The following HDAC4 variants were observed in gnomAD, a reference collection of about 807,000 sequenced individuals.
The protein encoded by HDAC4 is histone deacetylase A.
HDAC4 carries 16 observed loss-of-function variants against 135.1 expected under a neutral mutation model. That is an observed-to-expected ratio of 0.12 (90% CI 0.08 to 0.18). The LOEUF is 0.18. Among genes scored for constraint, HDAC4 ranks in the 10% least tolerant of loss-of-function variants. The pLI is 1.00. For missense variants in HDAC4, 1,143 were observed against 1,511.8 expected (o/e 0.76, Z 4.05); for synonymous variants, 685 against 653.4 (o/e 1.05, Z -0.74).
intron 3 of HDAC4, among the ~76,000 whole-genome samples, chr2:239,196,831 G>A (rs1466303720): frequency 1.3e-5 from 2 of 152,230 alleles, no homozygotes; most frequent in Non-Finnish European, 2.9e-5. Context: ...AAGAGAGAGT[G>A]GGGCCATGTG....
chr2:239,251,095 CAT>C (rs1270509584), intron 2 of HDAC4, among the ~76,000 whole-genome samples: 1 of 152,256 alleles, frequency 6.6e-6, no homozygotes, highest in Non-Finnish European at 1.5e-5. Context: ...GGCCTTTCCA[CAT>C]GAGTGGTTTC....
At chr2:239,199,980 C>T (rs528341999) in intron 3 of HDAC4, among the ~76,000 whole-genome samples, 4 of 152,278 alleles carry the variant, frequency 2.6e-5, no homozygotes, top group African/African-American at 9.6e-5. Context: ...CCTCATGATC[C>T]ATCTGCCTCG....
intron 3 of HDAC4, among the ~76,000 whole-genome samples, chr2:239,224,191 T>C (rs1013843915): frequency 5.3e-5 from 8 of 152,244 alleles, no homozygotes; most frequent in African/African-American, 1.9e-4. Flanking sequence ...ACAGCCCATC[T>C]GCAGGCTAAG....
intron 1 of HDAC4, among the ~76,000 whole-genome samples, chr2:239,392,344 C>A (rs1213556680): frequency 6.6e-6 from 1 of 152,250 alleles, no homozygotes; most frequent in Admixed American, 6.5e-5. Context: ...CGGATTCCAA[C>A]ACAGAGCCCT....
chr2:239,244,987 A>G (rs545907940), intron 2 of HDAC4, among the ~76,000 whole-genome samples: 1 of 152,326 alleles, frequency 6.6e-6, no homozygotes, highest in East Asian at 1.9e-4. Flanking sequence ...AAAATTACCA[A>G]AGTTCCATAA....
rs1283294023 is a variant in HDAC4, at chr2:239,274,463, A to G, written c.23-37799T>C. ...TGTATGGGCCCCCGCAAGAGATGGG[A>G]ATGAGCCAGGGCGCCGCTGGTCTCT... On this transcript the variant is annotated intron_variant, in intron 2 of 26. Coordinates refer to ENST00000543185, the MANE Select transcript of HDAC4 (RefSeq NM_001378414.1). Among the ~76,000 whole-genome samples, 3 of 152,204 alleles carry G rather than the reference A, an allele frequency of 2.0e-5. No individual in the cohort carries two copies. In the East Asian group the frequency reaches 5.8e-4, roughly 29 times the overall value.
chr2:239,105,232 A>G, intron 15 of HDAC4, among the ~76,000 whole-genome samples: 1 of 152,138 alleles, frequency 6.6e-6, no homozygotes, highest in Non-Finnish European at 1.5e-5. Context: ...TGCAAATCCC[A>G]GTGGTGGCCC....
intron 2 of HDAC4, among the ~76,000 whole-genome samples, chr2:239,334,275 T>C (rs1050034787): frequency 6.6e-6 from 1 of 152,072 alleles, no homozygotes; most frequent in South Asian, 2.1e-4. Context: ...ATCCCAGCAC[T>C]TTGGGAGGCC....
intron 4 of HDAC4, among the ~76,000 whole-genome samples, chr2:239,184,135 T>C (rs954734728): frequency 4.7e-5 from 7 of 149,436 alleles, no homozygotes; most frequent in African/African-American, 1.5e-4. Context: ...ATTTTTACTC[T>C]TCATGCATTC....
At chr2:239,151,208 A>T (rs2042096850) in intron 7 of HDAC4, among the ~76,000 whole-genome samples, 1 of 152,270 alleles carries the variant, frequency 6.6e-6, no homozygotes, top group Non-Finnish European at 1.5e-5. Context: ...ACTAGTACAC[A>T]GGGCGAAAGC....
chr2:239,054,577 C>G (rs1471886980), intron 25 of HDAC4, among the ~76,000 whole-genome samples, 172 bp downstream of exon 25: 1 of 152,182 alleles, frequency 6.6e-6, no homozygotes, highest in Non-Finnish European at 1.5e-5. Flanking sequence ...AAATGTGAGT[C>G]TCTACCAGCT....
rs529681028 is a variant in HDAC4 at position 239,306,886 on chromosome 2, C to A, written c.22+45792G>T. Among the ~76,000 whole-genome samples the A allele has an allele frequency of 2.1e-4, 32 of 152,024 alleles. No individual in the cohort carries two copies. Among genetic ancestry groups the A allele is most frequent in the Non-Finnish European group, 4.3e-4 (29 of 67,930 alleles). ...AAGGAGCTGCAGGGATGCATGGGGG[C>A]GTTCAGGAATGTCCAAGGAGGGCCT... On this transcript the variant is annotated intron_variant, in intron 2 of 26. Transcript: ENST00000543185. This position sits in a 1 kb window ranked among gnomAD's most constrained non-coding sequence, Gnocchi z 4.5.
intron 7 of HDAC4, among the ~76,000 whole-genome samples, chr2:239,149,646 G>A (rs564215250): frequency 6.6e-6 from 1 of 152,292 alleles, no homozygotes; most frequent in Admixed American, 6.5e-5. Context: ...GCCTGCTCAG[G>A]GCAGCCCCGC....
At chr2:239,265,593 C>T (rs2049672539) in intron 2 of HDAC4, among the ~76,000 whole-genome samples, 1 of 152,182 alleles carries the variant, frequency 6.6e-6, no homozygotes, top group Non-Finnish European at 1.5e-5. Context: ...TCTCCTGCTC[C>T]GCAGAGCCTT....
chr2:239,223,983 C>T (rs1016318482), intron 3 of HDAC4, among the ~76,000 whole-genome samples: 7 of 152,102 alleles, frequency 4.6e-5, no homozygotes, highest in East Asian at 1.9e-4. Context: ...GCCCCTCCCA[C>T]GTTCAGCGCA....
At chr2:239,151,410 C>A (rs3828215) in intron 7 of HDAC4, among the ~76,000 whole-genome samples, 12,934 of 152,248 alleles carry the variant, frequency 0.085, 596 homozygotes, top group East Asian at 0.18. Context: ...GGACAGCTTC[C>A]CCCCAAAATG....
chr2:239,140,182 A>G (rs2041263252), intron 8 of HDAC4, among the ~76,000 whole-genome samples: 1 of 152,210 alleles, frequency 6.6e-6, no homozygotes, highest in Non-Finnish European at 1.5e-5. Flanking sequence ...TCACTATAAA[A>G]AGCTTAGTTC....
At chr2:239,170,496 A>T (rs951940072) in intron 5 of HDAC4, among the ~76,000 whole-genome samples, 5 of 152,258 alleles carry the variant, frequency 3.3e-5, no homozygotes, top group Admixed American at 6.5e-5. Context: ...TATGAAGGCA[A>T]ATCACCAAAC....
chr2:239,177,775 T>G (rs564191361), intron 4 of HDAC4, among the ~76,000 whole-genome samples: 2 of 152,178 alleles, frequency 1.3e-5, no homozygotes, highest in African/African-American at 4.8e-5. Flanking sequence ...CACTAAAACG[T>G]TGGGCAGAAA....
Sources: gnomAD v4.1 joint callset for allele counts (sites outside exome capture counted in the v4.1 genomes callset) on GRCh38, gnomAD v4.1.1 for gene constraint, Gnocchi (gnomAD v3.1) non-coding constraint, MANE v1.5 for transcripts, NCBI Gene and HGNC (gene_info 2026-07-23, HGNC 2026-07-21) for gene names.